Variants in TRIM50 observed in about 807,000 individuals in gnomAD.
The protein encoded by TRIM50 is tripartite motif containing 50.
Under a neutral mutation model 44.9 loss-of-function variants are expected in TRIM50, and 34 were observed. The ratio of observed to expected loss-of-function variants is 0.76; its 90% CI spans 0.58 to 1.01. The LOEUF (loss-of-function observed/expected upper bound fraction) is 1.01. Among genes scored for constraint, TRIM50 ranks in the 50% least tolerant of loss-of-function variants. The pLI is 0.00. For missense variants in TRIM50, 633 were observed against 663.7 expected (o/e 0.95, Z 0.51); for synonymous variants, 307 against 291.1 (o/e 1.05, Z -0.56).
intron 1 of TRIM50, among the ~76,000 whole-genome samples, chr7:73,325,221 C>G (rs569989825): frequency 3.3e-5 from 5 of 152,090 alleles, no homozygotes; most frequent in Admixed American, 6.6e-5. Context: ...CCCAAACTTT[C>G]GGGAAACTGT....
At chr7:73,316,782 A>C (rs782561729) in intron 5 of TRIM50, 93 bp from the exon 6 acceptor site, 7 of 1,535,502 alleles carry the variant, frequency 4.6e-6, no homozygotes, top group Non-Finnish European at 4.4e-6. Flanking sequence ...CCAGATCCAC[A>C]GTGCAGGACT....
At chr7:73,318,568 G>A in intron 5 of TRIM50, 119 bp downstream of exon 5, 2 of 1,599,590 alleles carry the variant, frequency 1.3e-6, no homozygotes, top group Non-Finnish European at 1.7e-6. Flanking sequence ...CAGTTATAGA[G>A]CCAGCTGTGG....
chr7:73,314,098 C>A, intron 6 of TRIM50: 1 of 331,468 alleles, frequency 3.0e-6, no homozygotes, highest in Non-Finnish European at 5.6e-6. Flanking sequence ...CCCCTTCCCG[C>A]CACCCAAGTT....
chr7:73,314,047 C>A (rs566616556), intron 6 of TRIM50: 21 of 281,806 alleles, frequency 7.5e-5, no homozygotes, highest in Non-Finnish European at 1.3e-4. Flanking sequence ...GATCCGTTTA[C>A]CCCAGAAATG....
In TRIM50 at chr7:73,312,924, C is replaced by A; in HGVS notation, c.1461G>T (p.Leu487=). 1.3e-6 allele frequency: 2 copies of A among 1,538,318 alleles called. No homozygotes were observed. The highest frequency in any genetic ancestry group is 2.0e-5 in the Admixed American group (1 of 49,090). Residue 487 remains leucine (L), a synonymous_variant, in exon 7 of 7, where the codon CTG becomes CTT. Transcript: ENST00000333149. ...GPLSPEQPTK[L] is the part of the protein sequence containing the mutation. ...GCCGGCAGGACTCCGGGCGGCCCTA[C>A]AGCTTGGTGGGCTGCTCGGGGCTGA...
At chr7:73,324,882 T>G (rs1804588727) in intron 1 of TRIM50, 77 bp from the exon 2 acceptor site, 1 of 1,573,290 alleles carries the variant, frequency 6.4e-7, no homozygotes, top group Non-Finnish European at 8.6e-7. Context: ...CCCTCAACCC[T>G]AAGGAGCACC....
At chr7:73,316,082 T>C (rs1328672569) in intron 6 of TRIM50, among the ~76,000 whole-genome samples, 2 of 152,078 alleles carry the variant, frequency 1.3e-5, no homozygotes, top group Non-Finnish European at 2.9e-5. Flanking sequence ...GGTTTCACCA[T>C]GTTGGCCAAG....
At chr7:73,326,560 T>C (rs1192889624) in intron 1 of TRIM50, among the ~76,000 whole-genome samples, 1 of 152,122 alleles carries the variant, frequency 6.6e-6, no homozygotes, top group Non-Finnish European at 1.5e-5. Flanking sequence ...TGTAGAGTGA[T>C]TCCAGAAAGC....
At chr7:73,326,250 A>AT (rs1174033636) in intron 1 of TRIM50, among the ~76,000 whole-genome samples, 7 of 148,916 alleles carry the variant, frequency 4.7e-5, no homozygotes, top group South Asian at 2.1e-4. Context: ...CAATCTCTCT[A>AT]TTTTTTTTCA....
rs1361823650 is a variant in TRIM50 at position 73,312,949 on chromosome 7, A to G, written c.1436T>C (p.Leu479Pro). The G allele has an allele frequency of 1.3e-6, 2 of 1,548,696 alleles. No individual in the cohort carries two copies. The highest frequency in any genetic ancestry group is 1.7e-6 in the Non-Finnish European group (2 of 1,146,196). Residue 479 changes from leucine (L) to proline (P), a missense_variant, in exon 7 of 7, where the codon CTC becomes CCC. Leu to Pro is a moderately conservative substitution (Grantham distance 98). Coordinates refer to ENST00000333149, the MANE Select transcript of TRIM50 (RefSeq NM_178125.3). Reference sequence around the variant, plus strand: ...CAGCTTGGTGGGCTGCTCGGGGCTGAGGGGGCCAGGCCCGCTGGGCGGGGG... The same window carrying G: ...CAGCTTGGTGGGCTGCTCGGGGCTGGGGGGGCCAGGCCCGCTGGGCGGGGG... The part of the protein sequence containing the change: ...VLPPPSGPGP[L>P]SPEQPTKL
At position 73,326,561 on chromosome 7, in the gene TRIM50, T is replaced by A. The variant is rs1804633753; in HGVS notation, c.-19+1339A>T. ...TCTCAAGAACAAGATGTAGAGTGAT[T>A]CCAGAAAGCTCCCTCCTGCCTCCTC... On this transcript the variant is annotated intron_variant, in intron 1 of 6. Transcript: ENST00000333149. Among the ~76,000 whole-genome samples the A allele has an allele frequency of 2.6e-5, 4 of 152,074 alleles. No homozygotes were observed. The South Asian group carries it at 8.3e-4, about 31-fold the overall frequency.
At chr7:73,320,301 G>A in intron 2 of TRIM50, 59 bp from the exon 3 acceptor site, 1 of 1,612,826 alleles carries the variant, frequency 6.2e-7, no homozygotes. Flanking sequence ...TCAGCTCCTT[G>A]GATCACCTTC....
Position 73,324,782 on chromosome 7 carries a change from A to C in TRIM50, c.6T>G (p.Ala2=), listed in dbSNP as rs1554545746. 1.2e-6 allele frequency: 2 copies of C among 1,613,722 alleles called. No homozygotes were observed. Among genetic ancestry groups the C allele is most frequent in the Admixed American group, 3.3e-5 (2 of 60,000 alleles). Residue 2 remains alanine, a synonymous_variant, in exon 2 of 7, where the codon GCT becomes GCG. Transcript: ENST00000333149. M[A]WQVSLPELED... is the part of the protein sequence containing the mutation. ...CCAGCTCTGGCAGGCTCACCTGCCA[A>C]GCCATCCACACTCACTGCCCGGGCT...
chr7:73,320,718 T>A (rs1433762529), intron 2 of TRIM50, among the ~76,000 whole-genome samples: 2 of 149,068 alleles, frequency 1.3e-5, no homozygotes, highest in African/African-American at 5.0e-5. Flanking sequence ...AAATAAAAAA[T>A]AAGATAAATT....
intron 6 of TRIM50, among the ~76,000 whole-genome samples, chr7:73,315,672 C>T (rs1434196137): frequency 6.6e-6 from 1 of 151,908 alleles, no homozygotes; most frequent in African/African-American, 2.4e-5. Context: ...TTATATAAAC[C>T]CTATTTTTGC....
Position 73,316,041 on chromosome 7 carries a change from C to T in TRIM50, c.874+524G>A, listed in dbSNP as rs192095677. 4.0e-3 allele frequency among the ~76,000 whole-genome samples: 607 copies of T among 152,058 alleles called. 3 individuals carry two copies. Among genetic ancestry groups the T allele is most frequent in the Non-Finnish European group, 6.0e-3 (408 of 67,992 alleles). On this transcript the variant is annotated intron_variant, in intron 6 of 6. Transcript: ENST00000333149. ...GATTACAGGCGCACACTACCACGCC[C>T]AGCTAATTCTTGTATTATTAGTAGA...
intron 2 of TRIM50, among the ~76,000 whole-genome samples, chr7:73,323,591 G>A (rs1423820137): frequency 3.9e-5 from 6 of 152,224 alleles, no homozygotes; most frequent in African/African-American, 1.4e-4. Context: ...GATCTGCTAG[G>A]TTTGGTGATG....
chr7:73,313,601 G>A lies in TRIM50; in HGVS notation c.875-91C>T, dbSNP rs1804288822. ...CTGATGGAGGCCCTGAACTCCCCAA[G>A]GAGAGGGGCTGTGTCTTCCTCATCT... On this transcript the variant is annotated intron_variant, in intron 6 of 6. Transcript: ENST00000333149. This position sits in a 1 kb window ranked among gnomAD's most constrained non-coding sequence, Gnocchi z 4.9. 8.9e-7 allele frequency: 1 copy of A among 1,122,362 alleles called. No individual in the cohort carries two copies. Among genetic ancestry groups the A allele is most frequent in the East Asian group, 2.6e-5 (1 of 38,558 alleles). The allele number at this position is 1,122,362 out of a possible 1,614,324, so 69.5% of individuals were successfully genotyped here. A position where few individuals can be genotyped will look rare whatever the true frequency, so the allele number is the denominator to read the frequency against.
chr7:73,325,809 A>G (rs537439031), intron 1 of TRIM50, among the ~76,000 whole-genome samples: 6 of 150,104 alleles, frequency 4.0e-5, no homozygotes, highest in Admixed American at 2.7e-4. Context: ...TCATGACCCC[A>G]ACAGGAGCAG....
Sources: gnomAD v4.1 joint callset for allele counts (sites outside exome capture counted in the v4.1 genomes callset) on GRCh38, gnomAD v4.1.1 for gene constraint, Gnocchi (gnomAD v3.1) non-coding constraint, MANE v1.5 for transcripts, NCBI Gene and HGNC (gene_info 2026-07-23, HGNC 2026-07-21) for gene names.